Variants in DPEP1 observed in about 807,000 individuals in gnomAD.
DPEP1 encodes dipeptidase 1, also known as beta-lactamase.
A neutral mutation model predicts 42.3 loss-of-function variants in DPEP1; 50 were observed. The ratio of observed to expected loss-of-function variants is 1.18; its 90% confidence interval spans 0.94 to 1.50. The LOEUF (loss-of-function observed/expected upper bound fraction) is 1.50. DPEP1 is among the 40% of genes most tolerant of loss of function. The probability of loss-of-function intolerance (pLI) is 0.00; values close to 1 mark genes in which losing one functional copy is unlikely to be tolerated. For synonymous variants in DPEP1, 297 were observed against 234.0 expected, an observed-to-expected ratio of 1.27 and a Z score of -2.46; for missense variants, 663 against 553.0, an observed-to-expected ratio of 1.20 and a Z score of -1.99.
At chr16:89,625,499 C>CAGG (rs2059499480) in intron 1 of DPEP1, among the ~76,000 whole-genome samples, 1 of 152,194 alleles carries the variant, frequency 6.6e-6, no homozygotes, top group African/African-American at 2.4e-5. Context: ...CAAACTCTAT[C>CAGG]AGGACTATAA....
chr16:89,630,841 C>T (rs1394517729), intron 2 of DPEP1, among the ~76,000 whole-genome samples: 1 of 151,830 alleles, frequency 6.6e-6, no homozygotes, highest in African/African-American at 2.4e-5. Context: ...GGGTGAGACT[C>T]GTGTGCCCTT....
chr16:89,623,081 C>T (rs990930564), intron 1 of DPEP1, among the ~76,000 whole-genome samples: 1 of 152,092 alleles, frequency 6.6e-6, no homozygotes, highest in Non-Finnish European at 1.5e-5. Flanking sequence ...ACCCTAACCC[C>T]CACACAGCCA....
downstream of DPEP1, among the ~76,000 whole-genome samples, chr16:89,638,995 GCACACA>G (rs201490535): frequency 6.4e-5 from 1 of 15,616 alleles, no homozygotes; most frequent in African/African-American, 4.1e-4. Flanking sequence ...CCCCACCCCT[GCACACA>G]CACACACACC....
rs756409757 is a variant in DPEP1 at position 89,636,600 on chromosome 16, T to C, written c.438T>C (p.Ile146=). Reference sequence around the variant, plus strand: ...TCGGCGTGGAGGGCGGCCACTCCATTGACAGCAGTTTGGGCGTCCTGCGGG... The same window carrying C: ...TCGGCGTGGAGGGCGGCCACTCCATCGACAGCAGTTTGGGCGTCCTGCGGG... ...SLIGVEGGHS[I]DSSLGVLRAL... The change falls in exon 5 of 11, where the codon ATT becomes ATC. Residue 146 remains isoleucine (I), a synonymous_variant. Coordinates refer to ENST00000690203, the MANE Select transcript of DPEP1 (RefSeq NM_001389466.1). 3.8e-5 allele frequency: 62 copies of C among 1,612,482 alleles called. No homozygotes were observed. The South Asian group carries it at 6.6e-4, about 17-fold the overall frequency.
intron 1 of DPEP1, among the ~76,000 whole-genome samples, chr16:89,615,905 A>G (rs940373376): frequency 6.6e-6 from 1 of 152,018 alleles, no homozygotes; most frequent in Non-Finnish European, 1.5e-5. Context: ...CACCCCTTTC[A>G]CAGGCCCATT....
intron 2 of DPEP1, among the ~76,000 whole-genome samples, chr16:89,631,992 A>C (rs1048076420): frequency 6.6e-5 from 10 of 152,058 alleles, no homozygotes; most frequent in Non-Finnish European, 1.3e-4. Flanking sequence ...GAGGAGGGAG[A>C]CATAAAGAAG....
chr16:89,614,663 CG>C (rs1319313730), intron 1 of DPEP1, among the ~76,000 whole-genome samples: 2 of 152,106 alleles, frequency 1.3e-5, no homozygotes, highest in Non-Finnish European at 2.9e-5. Flanking sequence ...GGCGTGGTGG[CG>C]GGCGCCTGTA....
At chr16:89,622,796 A>AAC (rs1466691597) in intron 1 of DPEP1, among the ~76,000 whole-genome samples, 1 of 151,984 alleles carries the variant, frequency 6.6e-6, no homozygotes, top group East Asian at 1.9e-4. Context: ...AAAAAAAAAA[A>AAC]ACACACTCGT....
chr16:89,614,666 G>A (rs1368251671), intron 1 of DPEP1, among the ~76,000 whole-genome samples: 1 of 152,178 alleles, frequency 6.6e-6, no homozygotes, highest in African/African-American at 2.4e-5. Context: ...GTGGTGGCGG[G>A]CGCCTGTAGT....
At chr16:89,616,848 G>A in intron 1 of DPEP1, 1 of 236,218 alleles carries the variant, frequency 4.2e-6, no homozygotes, top group Non-Finnish European at 8.6e-6. Flanking sequence ...ACAGGAAGTG[G>A]CCAGGAAGCA....
At chr16:89,624,392 C>T (rs952374798) in intron 1 of DPEP1, among the ~76,000 whole-genome samples, 1 of 152,096 alleles carries the variant, frequency 6.6e-6, no homozygotes. Flanking sequence ...AGTCCATGTC[C>T]TCGGCGTTTG....
intron 2 of DPEP1, among the ~76,000 whole-genome samples, chr16:89,635,395 T>A (rs977931256): frequency 2.6e-5 from 4 of 152,188 alleles, no homozygotes; most frequent in African/African-American, 9.7e-5. Context: ...CCCCAAAGCC[T>A]GTACTCGACA....
intron 1 of DPEP1, among the ~76,000 whole-genome samples, chr16:89,628,268 T>A (rs2151488873): frequency 6.7e-6 from 1 of 148,476 alleles, no homozygotes; most frequent in Admixed American, 6.7e-5. Context: ...TTTTTTTTTT[T>A]TTTTGTGAGA....
chr16:89,636,229 C>A, intron 3 of DPEP1, 35 bp from the exon 4 acceptor site: 1 of 1,586,778 alleles, frequency 6.3e-7, no homozygotes, highest in Non-Finnish European at 8.5e-7. Context: ...TGAGACCTGG[C>A]TGCATCAGCT....
At chr16:89,640,377 AGGTGCAGGCAG>A (rs2059734177), downstream of DPEP1, among the ~76,000 whole-genome samples, 1 of 152,074 alleles carries the variant, frequency 6.6e-6, no homozygotes, top group Non-Finnish European at 1.5e-5. Context: ...ACAGCATCGG[AGGTGCAGGCAG>A]GGTCCCTGGG....
chr16:89,630,479 A>G lies in DPEP1; in HGVS notation c.69A>G (p.Ala23=). The change falls in exon 2 of 11, where the codon GCA becomes GCG. Residue 23 remains alanine (A), a synonymous_variant. Coordinates refer to ENST00000690203, the MANE Select transcript of DPEP1 (RefSeq NM_001389466.1). ...VCTADFFRDE[A]ERIMRDSPVI... ...CTGCAGACTTCTTTCGGGACGAGGCAGAGAGGATCATGAGGGACTCCCCTG... is the reference window on the plus strand; with the variant it reads ...CTGCAGACTTCTTTCGGGACGAGGCGGAGAGGATCATGAGGGACTCCCCTG... 1.2e-6 allele frequency: 2 copies of G among 1,606,228 alleles called. No homozygotes were observed. Among genetic ancestry groups the G allele is most frequent in the Non-Finnish European group, 1.7e-6 (2 of 1,176,840 alleles).
intron 1 of DPEP1, among the ~76,000 whole-genome samples, chr16:89,622,817 A>G (rs1055636776): frequency 5.3e-5 from 8 of 151,400 alleles, no homozygotes; most frequent in Non-Finnish European, 1.2e-4. Flanking sequence ...CAGACAATAG[A>G]AAGTCTCCGC....
chr16:89,637,066 C>A, intron 6 of DPEP1, 131 bp downstream of exon 6: 1 of 1,526,332 alleles, frequency 6.6e-7, no homozygotes, highest in Non-Finnish European at 8.8e-7. Context: ...CAGCCATCCC[C>A]CCAGGGTGGG....
chr16:89,636,280 C>A lies in DPEP1; in HGVS notation c.254C>A (p.Thr85Lys). The change falls in exon 4 of 11, where the codon ACG becomes AAG. Residue 85 changes from threonine to lysine, a missense_variant. Thr to Lys is a moderately conservative substitution (Grantham distance 78, BLOSUM62 -1). Transcript: ENST00000690203. ...GGCCCACAGTTCTGGTCCGTGTACACGCCCTGCGACACCCAGAACAAAGAC... is the reference window on the plus strand; with the variant it reads ...GGCCCACAGTTCTGGTCCGTGTACAAGCCCTGCGACACCCAGAACAAAGAC... Reference protein sequence around the residue: ...FVGGQFWSVYTPCDTQNKDAV... With the variant: ...FVGGQFWSVYKPCDTQNKDAV... The A allele has an allele frequency of 6.2e-7, 1 of 1,609,970 alleles. No homozygotes were observed. Among genetic ancestry groups the A allele is most frequent in the Non-Finnish European group, 8.5e-7 (1 of 1,179,004 alleles).
Sources: gnomAD v4.1 joint callset for allele counts (sites outside exome capture counted in the v4.1 genomes callset) on GRCh38, gnomAD v4.1.1 for gene constraint, MANE v1.5 for transcripts, NCBI Gene and HGNC (gene_info 2026-07-23, HGNC 2026-07-21) for gene names.